The following PLD5 variants were observed in gnomAD, a reference collection of about 807,000 sequenced individuals.
PLD5 encodes inactive phospholipase D5.
In PLD5, 36 loss-of-function variants were observed where a neutral mutation model predicts 61.1. That is an observed-to-expected ratio of 0.59 (90% CI 0.45 to 0.78). The LOEUF (loss-of-function observed/expected upper bound fraction) is 0.78. Among genes scored for constraint, PLD5 ranks in the 30% least tolerant of loss-of-function variants. PLD5 has a pLI of 0.00. For missense variants in PLD5, 515 were observed against 644.4 expected, an observed-to-expected ratio of 0.80 and a Z score of 2.17; for synonymous variants, 243 against 242.8, an observed-to-expected ratio of 1.00 and a Z score of -0.01.
intron 1 of PLD5, among the ~76,000 whole-genome samples, chr1:242,366,166 A>G (rs145772549): frequency 1.9e-3 from 285 of 152,332 alleles, no homozygotes; most frequent in African/African-American, 6.6e-3. Context: ...ATGATACACT[A>G]CTGAAGAAAC....
At position 242,285,996 on chromosome 1, in the gene PLD5, C is replaced by T. The variant is rs559924345; in HGVS notation, c.495+2366G>A. Among the ~76,000 whole-genome samples the T allele has an allele frequency of 2.0e-5, 3 of 152,150 alleles. No individual in the cohort carries two copies. In the South Asian group the frequency reaches 6.2e-4, roughly 32 times the overall value. ...TGGTGGTGTGAACCTGTAATCCCAG[C>T]TACTCGGGAGGCTGAGACAGGAGAA... On this transcript the variant is annotated intron_variant, in intron 3 of 9. Coordinates refer to ENST00000536534, the MANE Select transcript of PLD5 (RefSeq NM_001372062.1).
At chr1:242,524,855 G>C (rs1669402299), upstream of PLD5, among the ~76,000 whole-genome samples, 1 of 151,514 alleles carries the variant, frequency 6.6e-6, no homozygotes, top group Non-Finnish European at 1.5e-5. Flanking sequence ...CCGCGCTCCC[G>C]CTCCGCACCC....
chr1:242,318,129 A>C (rs1658137698), intron 2 of PLD5, among the ~76,000 whole-genome samples: 1 of 152,204 alleles, frequency 6.6e-6, no homozygotes, highest in African/African-American at 2.4e-5. Flanking sequence ...AAAAGGGAGT[A>C]ATAATGGCAT....
chr1:242,526,521 C>A (rs563087451), upstream of PLD5, among the ~76,000 whole-genome samples: 2 of 152,126 alleles, frequency 1.3e-5, no homozygotes, highest in African/African-American at 4.8e-5. Flanking sequence ...CTGCAACCTC[C>A]GCCTCCCGGG....
At chr1:242,110,958 TA>T (rs1485301091) in intron 7 of PLD5, among the ~76,000 whole-genome samples, 1 of 152,066 alleles carries the variant, frequency 6.6e-6, no homozygotes, top group Admixed American at 6.5e-5. Flanking sequence ...ACTGAAGAAA[TA>T]AATAATGAAC....
intron 6 of PLD5, among the ~76,000 whole-genome samples, chr1:242,115,607 C>A (rs901121117): frequency 6.6e-6 from 1 of 151,602 alleles, no homozygotes; most frequent in Non-Finnish European, 1.5e-5. Context: ...ATTTTCATTT[C>A]ATCTGAAATG....
chr1:242,361,136 A>G (rs1055301349), intron 1 of PLD5, among the ~76,000 whole-genome samples: 3 of 152,162 alleles, frequency 2.0e-5, no homozygotes, highest in Non-Finnish European at 2.9e-5. Context: ...AAGTACTTTC[A>G]TAACTCTCAT....
At chr1:242,446,423 C>T (rs138442378) in intron 1 of PLD5, among the ~76,000 whole-genome samples, 36 of 151,806 alleles carry the variant, frequency 2.4e-4, no homozygotes, top group Middle Eastern at 6.8e-3. Flanking sequence ...ATACAAAAAT[C>T]AGCTGGGTGT....
intron 9 of PLD5, among the ~76,000 whole-genome samples, chr1:242,095,613 C>T (rs773426748): frequency 6.6e-6 from 1 of 152,012 alleles, no homozygotes; most frequent in Non-Finnish European, 1.5e-5. Context: ...AATTTTTAAG[C>T]CCTCATCTCC....
intron 1 of PLD5, among the ~76,000 whole-genome samples, chr1:242,384,625 G>C (rs1256328983): frequency 6.6e-6 from 1 of 152,144 alleles, no homozygotes; most frequent in Non-Finnish European, 1.5e-5. Flanking sequence ...CAGGATTTCT[G>C]CCTTGGATAC....
At chr1:242,352,889 C>T (rs1169523022) in intron 1 of PLD5, among the ~76,000 whole-genome samples, 2 of 152,130 alleles carry the variant, frequency 1.3e-5, no homozygotes, top group Admixed American at 6.6e-5. Flanking sequence ...AATCAGATTA[C>T]TAGTTTTTCT....
chr1:242,337,920 G>C (rs1162563449), intron 2 of PLD5, among the ~76,000 whole-genome samples: 1 of 152,138 alleles, frequency 6.6e-6, no homozygotes, highest in Admixed American at 6.5e-5. Flanking sequence ...TGTCGTTCAC[G>C]TTGGTTTGCA....
intron 1 of PLD5, among the ~76,000 whole-genome samples, chr1:242,421,945 G>A (rs1291925677): frequency 2.6e-5 from 4 of 152,276 alleles, no homozygotes; most frequent in African/African-American, 9.6e-5. Flanking sequence ...CAGGGCATGC[G>A]CCATCTTGAT....
In PLD5 at chr1:242,137,505, C is replaced by T. The variant is rs79031470; in HGVS notation, c.736-12840G>A. Among the ~76,000 whole-genome samples, 394 of 152,220 alleles carry T rather than the reference C, an allele frequency of 2.6e-3. 2 individuals carry two copies. Among genetic ancestry groups the T allele is most frequent in the African/African-American group, 9.3e-3 (385 of 41,544 alleles). On this transcript the variant is annotated intron_variant, in intron 5 of 9. Coordinates refer to ENST00000536534, the MANE Select transcript of PLD5 (RefSeq NM_001372062.1). The stretch of plus-strand genomic sequence containing the variant: ...TTAAAAAACAGCCACAATAATAACA[C>T]GTTTTAGGGATATCCTATTTGGAAC...
intron 1 of PLD5, among the ~76,000 whole-genome samples, chr1:242,482,602 G>A (rs976895356): frequency 5.3e-5 from 8 of 152,266 alleles, no homozygotes; most frequent in Admixed American, 1.3e-4. Flanking sequence ...TGAAAGTAAT[G>A]GGGAGAATGG....
chr1:242,493,121 G>A (rs1668221725), intron 1 of PLD5, among the ~76,000 whole-genome samples: 1 of 152,048 alleles, frequency 6.6e-6, no homozygotes, highest in African/African-American at 2.4e-5. Flanking sequence ...TAATAGTTTA[G>A]GATATCTCAC....
At chr1:242,159,438 A>C (rs1665653696) in intron 5 of PLD5, among the ~76,000 whole-genome samples, 1 of 152,102 alleles carries the variant, frequency 6.6e-6, no homozygotes, top group African/African-American at 2.4e-5. Context: ...TGGTCTAGTA[A>C]TGTGTTTGCT....
chr1:242,374,190 C>T (rs985731367), intron 1 of PLD5, among the ~76,000 whole-genome samples: 2 of 152,100 alleles, frequency 1.3e-5, no homozygotes. Flanking sequence ...GCTCCTGTAC[C>T]ACGACATATT....
intron 4 of PLD5, among the ~76,000 whole-genome samples, chr1:242,223,559 C>T (rs763166799): frequency 6.6e-6 from 1 of 152,098 alleles, no homozygotes; most frequent in South Asian, 2.1e-4. Flanking sequence ...CTAGTAATTC[C>T]CATTTATTGA....
Sources: allele counts gnomAD v4.1 joint callset (sites outside exome capture counted in the v4.1 genomes callset), GRCh38; gene constraint gnomAD v4.1.1; transcripts MANE v1.5; gene names NCBI Gene and HGNC (gene_info 2026-07-23, HGNC 2026-07-21).